The following TRNAU1AP variants were observed in gnomAD, a reference collection of about 807,000 sequenced individuals.
TRNAU1AP encodes the protein tRNA selenocysteine 1 associated protein 1, also known as tRNA selenocysteine 1-associated protein 1.
TRNAU1AP carries 33 observed loss-of-function variants against 43.3 expected under a neutral mutation model. The observed-to-expected ratio is 0.76, with a 90% CI of 0.58 to 1.02. The LOEUF is 1.02. TRNAU1AP is among the 50% of genes least tolerant of loss of function. The pLI, the probability that TRNAU1AP is intolerant of heterozygous loss-of-function variation, is 0.00. For synonymous variants in TRNAU1AP, 143 were observed against 129.1 expected, an observed-to-expected ratio of 1.11 and a Z score of -0.73; for missense variants, 290 against 362.7, an observed-to-expected ratio of 0.80 and a Z score of 1.63.
chr1:28,576,035 T>C (rs1402204576), intron 8 of TRNAU1AP, among the ~76,000 whole-genome samples: 2 of 149,610 alleles, frequency 1.3e-5, no homozygotes. Context: ...TAATTTTTTG[T>C]ATTTGAGTAG....
chr1:28,563,599 G>T (rs551674535), intron 4 of TRNAU1AP, among the ~76,000 whole-genome samples: 46 of 151,772 alleles, frequency 3.0e-4, no homozygotes, highest in Non-Finnish European at 5.9e-4. Context: ...CAAGAGAATC[G>T]CTTGAACCTG....
intron 4 of TRNAU1AP, 94 bp from the exon 5 acceptor site, chr1:28,564,609 G>A: frequency 6.8e-7 from 1 of 1,471,546 alleles, no homozygotes; most frequent in Non-Finnish European, 9.1e-7. Flanking sequence ...TTCCTTAAGG[G>A]GCCTGGGAGA....
At chr1:28,571,477 C>T in intron 7 of TRNAU1AP, 139 bp downstream of exon 7, 1 of 871,824 alleles carries the variant, frequency 1.1e-6, no homozygotes, top group East Asian at 2.6e-5. Flanking sequence ...TCCAGTTCCT[C>T]TTGTTAAAAA....
chr1:28,555,611 G>A (rs1490447526), intron 2 of TRNAU1AP, among the ~76,000 whole-genome samples: 4 of 147,946 alleles, frequency 2.7e-5, no homozygotes, highest in African/African-American at 1.0e-4. Context: ...CATTCTCCAA[G>A]CAGCCACTCT....
At chr1:28,563,966 C>T (rs546619263) in intron 4 of TRNAU1AP, among the ~76,000 whole-genome samples, 9 of 152,084 alleles carry the variant, frequency 5.9e-5, no homozygotes, top group Non-Finnish European at 1.3e-4. Flanking sequence ...CACCCACAAG[C>T]TCGCAGTGGT....
intron 8 of TRNAU1AP, among the ~76,000 whole-genome samples, chr1:28,572,236 C>G (rs992540969): frequency 1.3e-5 from 2 of 152,098 alleles, no homozygotes; most frequent in Admixed American, 6.6e-5. Flanking sequence ...TCTTGTTGGC[C>G]AGGCTGGAGT....
At chr1:28,553,263 T>C (rs2124180550) in intron 1 of TRNAU1AP, 126 bp downstream of exon 1, 1 of 1,112,996 alleles carries the variant, frequency 9.0e-7, no homozygotes, top group Non-Finnish European at 1.2e-6. Context: ...GGGGTTCTTT[T>C]TGGTGACACA....
At chr1:28,558,270 C>T (rs947697914) in intron 2 of TRNAU1AP, among the ~76,000 whole-genome samples, 1 of 143,352 alleles carries the variant, frequency 7.0e-6, no homozygotes, top group African/African-American at 2.6e-5. Context: ...GGCTGGAGTG[C>T]AGTGGCGTGA....
chr1:28,567,232 A>G (rs1665560919), intron 5 of TRNAU1AP, 62 bp from the exon 6 acceptor site: 3 of 1,564,642 alleles, frequency 1.9e-6, no homozygotes, highest in South Asian at 1.2e-5. Flanking sequence ...CTTCTTTTTC[A>G]TGTGTCCATT....
intron 4 of TRNAU1AP, among the ~76,000 whole-genome samples, chr1:28,562,584 GT>G (rs1300578163): frequency 6.0e-4 from 86 of 144,208 alleles, no homozygotes; most frequent in Middle Eastern, 3.5e-3. Flanking sequence ...GCACTTTTGT[GT>G]TTTTTTTTTT....
Position 28,553,140 on chromosome 1 carries a change from G to C in TRNAU1AP, c.27+3G>C. 1.3e-6 allele frequency: 2 copies of C among 1,519,672 alleles called. No homozygotes were observed. The highest frequency in any genetic ancestry group is 1.8e-6 in the Non-Finnish European group (2 of 1,130,464). The allele number at this position is 1,519,672 out of a possible 1,614,324, so 94.1% of individuals were successfully genotyped here. On this transcript the variant is annotated splice_donor_region_variant and intron_variant, in intron 1 of 8. Coordinates refer to ENST00000373830, the MANE Select transcript of TRNAU1AP (RefSeq NM_017846.5). ...CGGCCAGCCTGTGGATGGGCGACGT[G>C]AGTGAGGGCAGCCGTCCGGGGTCTG... is the stretch of plus-strand genomic sequence containing the variant.
chr1:28,577,677 AT>A lies in TRNAU1AP; in HGVS notation c.*42del. On this transcript the variant is annotated 3_prime_UTR_variant, in exon 9 of 9. Transcript: ENST00000373830. ...AGCCAGGTTGCATGATGTGAGGGAG[AT>A]GAGAGACTCCTTTTTAAAAATTGTG... is the stretch of plus-strand genomic sequence containing the variant. 1 of 1,555,960 alleles carries A rather than the reference AT, an allele frequency of 6.4e-7. No homozygotes were observed. The highest frequency in any genetic ancestry group is 8.7e-7 in the Non-Finnish European group (1 of 1,151,758).
At chr1:28,566,438 C>T (rs972066352) in intron 5 of TRNAU1AP, among the ~76,000 whole-genome samples, 6 of 150,924 alleles carry the variant, frequency 4.0e-5, no homozygotes, top group East Asian at 2.0e-4. Context: ...GCCAACATAG[C>T]GAAACCCAGG....
At chr1:28,573,937 CA>C (rs566687898) in intron 8 of TRNAU1AP, among the ~76,000 whole-genome samples, 15 of 138,242 alleles carry the variant, frequency 1.1e-4, no homozygotes, top group South Asian at 2.4e-4. Flanking sequence ...AACTCCGTCT[CA>C]AAAAAAAAAA....
chr1:28,566,301 C>G (rs1213124359), intron 5 of TRNAU1AP, among the ~76,000 whole-genome samples: 1 of 135,274 alleles, frequency 7.4e-6, no homozygotes, highest in Non-Finnish European at 1.5e-5. Flanking sequence ...GGAGACACAG[C>G]GAGACTCCAT....
At chr1:28,563,571 C>T (rs1459236640) in intron 4 of TRNAU1AP, among the ~76,000 whole-genome samples, 1 of 151,980 alleles carries the variant, frequency 6.6e-6, no homozygotes, top group Non-Finnish European at 1.5e-5. Flanking sequence ...GTAATCCCAG[C>T]TACTCAGGAG....
intron 6 of TRNAU1AP, among the ~76,000 whole-genome samples, chr1:28,570,811 C>T (rs765286354): frequency 3.9e-5 from 6 of 151,990 alleles, no homozygotes; most frequent in Non-Finnish European, 7.4e-5. Context: ...GGTGGCCGGG[C>T]TCCCAGCACT....
Position 28,578,449 on chromosome 1 carries a change from C to G in TRNAU1AP, c.*813C>G, listed in dbSNP as rs993480507. Reference sequence around the variant, plus strand: ...AAATCTCCAAAGATCTCTTTAAGGGCTGGGCATGGTGGCTCACTTTGGGAG... The same window carrying G: ...AAATCTCCAAAGATCTCTTTAAGGGGTGGGCATGGTGGCTCACTTTGGGAG... On this transcript the variant is annotated 3_prime_UTR_variant, in exon 9 of 9. Transcript: ENST00000373830. The G allele has an allele frequency of 3.9e-6, 1 of 258,776 alleles. No individual in the cohort carries two copies. Among genetic ancestry groups the G allele is most frequent in the African/African-American group, 2.3e-5 (1 of 44,180 alleles). The allele number at this position is 258,776 out of a possible 1,614,324, so 16.0% of individuals were successfully genotyped here.
At chr1:28,576,555 G>A (rs1169129572) in intron 8 of TRNAU1AP, among the ~76,000 whole-genome samples, 3 of 151,808 alleles carry the variant, frequency 2.0e-5, no homozygotes, top group Admixed American at 2.0e-4. Context: ...TTGACCTTGT[G>A]ATCTGCCTGC....
Sources: allele counts gnomAD v4.1 joint callset (sites outside exome capture counted in the v4.1 genomes callset), GRCh38; gene constraint gnomAD v4.1.1; transcripts MANE v1.5; gene names NCBI Gene and HGNC (gene_info 2026-07-23, HGNC 2026-07-21).